NRF1: variants seen among roughly 807,000 people sequenced by gnomAD.
NRF1 encodes the protein nuclear respiratory factor 1.
In NRF1, 5 loss-of-function variants were observed where a neutral mutation model predicts 58.5. The ratio of observed to expected loss-of-function variants is 0.09; its 90% CI spans 0.04 to 0.18. The LOEUF (loss-of-function observed/expected upper bound fraction) is 0.18. Ranked by LOEUF, NRF1 falls within the 10% of genes least tolerant of loss-of-function variation. NRF1 has a pLI of 1.00. For synonymous variants in NRF1, 224 were observed against 246.7 expected, an observed-to-expected ratio of 0.91 and a Z score of 0.86; for missense variants, 288 against 657.7, an observed-to-expected ratio of 0.44 and a Z score of 6.15.
intron 10 of NRF1, among the ~76,000 whole-genome samples, chr7:129,732,411 T>C (rs2116267011): frequency 6.6e-6 from 1 of 152,334 alleles, no homozygotes; most frequent in Non-Finnish European, 1.5e-5. Flanking sequence ...TTAGAAGGAA[T>C]GGCATATTTG....
intron 10 of NRF1, among the ~76,000 whole-genome samples, chr7:129,728,825 G>A (rs1049778100): frequency 7.2e-5 from 11 of 152,198 alleles, no homozygotes; most frequent in Non-Finnish European, 1.6e-4. Context: ...TGTAGGGAAA[G>A]AGGCTTTTGT....
intron 2 of NRF1, among the ~76,000 whole-genome samples, chr7:129,660,566 C>G (rs930197919): frequency 1.3e-5 from 2 of 150,822 alleles, no homozygotes; most frequent in African/African-American, 5.0e-5. Context: ...CATGCAAGTC[C>G]GAAATCCAGC....
intron 8 of NRF1, among the ~76,000 whole-genome samples, chr7:129,712,888 C>G (rs996759479): frequency 6.6e-6 from 1 of 152,106 alleles, no homozygotes; most frequent in Non-Finnish European, 1.5e-5. Context: ...CAAGATGACA[C>G]TCCTTAAAGT....
At chr7:129,665,760 A>T (rs1414146250) in intron 2 of NRF1, among the ~76,000 whole-genome samples, 2 of 152,190 alleles carry the variant, frequency 1.3e-5, no homozygotes, top group Admixed American at 1.3e-4. Flanking sequence ...GGACAGGTGC[A>T]CGCCACCATG....
intron 2 of NRF1, among the ~76,000 whole-genome samples, chr7:129,667,200 A>G (rs1801942406): frequency 6.6e-6 from 1 of 152,134 alleles, no homozygotes; most frequent in South Asian, 2.1e-4. Flanking sequence ...TTACATCCCC[A>G]CAAGCAGTAT....
chr7:129,625,751 A>G (rs1052822798), intron 1 of NRF1, among the ~76,000 whole-genome samples: 4 of 132,274 alleles, frequency 3.0e-5, no homozygotes, highest in Non-Finnish European at 6.1e-5. Flanking sequence ...GTGCGATCTC[A>G]GCTCACTGCA....
intron 8 of NRF1, among the ~76,000 whole-genome samples, chr7:129,715,182 C>G (rs1803158916): frequency 6.6e-6 from 1 of 152,132 alleles, no homozygotes; most frequent in Non-Finnish European, 1.5e-5. Flanking sequence ...GTTCTGTACC[C>G]CAGACCAGAG....
chr7:129,621,228 T>C (rs1800790973), intron 1 of NRF1, among the ~76,000 whole-genome samples: 1 of 152,226 alleles, frequency 6.6e-6, no homozygotes, highest in South Asian at 2.1e-4. Context: ...ATCCATACTT[T>C]TGCTTGCCAC....
At chr7:129,632,805 A>G (rs1801080207) in intron 1 of NRF1, among the ~76,000 whole-genome samples, 1 of 152,190 alleles carries the variant, frequency 6.6e-6, no homozygotes, top group African/African-American at 2.4e-5. Context: ...AAAGTAATAC[A>G]TGTTTTTTGT....
At chr7:129,729,079 TATTC>T (rs772356187) in intron 10 of NRF1, among the ~76,000 whole-genome samples, 2 of 152,240 alleles carry the variant, frequency 1.3e-5, no homozygotes, top group South Asian at 2.1e-4. Context: ...TGATTGCTCT[TATTC>T]ACTATGGAAC....
At chr7:129,737,240 C>T (rs368382637) in intron 10 of NRF1, among the ~76,000 whole-genome samples, 1 of 152,212 alleles carries the variant, frequency 6.6e-6, no homozygotes, top group East Asian at 1.9e-4. Flanking sequence ...GATTAGAAGC[C>T]CTTTCTGTAA....
intron 9 of NRF1, among the ~76,000 whole-genome samples, chr7:129,719,543 C>CACACACACACACACACACACAA (rs1255895761): frequency 6.0e-4 from 86 of 142,168 alleles, no homozygotes; most frequent in African/African-American, 2.0e-3. Flanking sequence ...CACACACACA[C>CACACACACACACACACACACAA]AACACATCTT....
chr7:129,649,733 A>T (rs1327373988), intron 1 of NRF1, among the ~76,000 whole-genome samples: 1 of 152,116 alleles, frequency 6.6e-6, no homozygotes, highest in Non-Finnish European at 1.5e-5. Flanking sequence ...TGTAGTTTAT[A>T]TTATAAAGAA....
chr7:129,656,139 A>G (rs568843778), intron 1 of NRF1, among the ~76,000 whole-genome samples: 1 of 151,962 alleles, frequency 6.6e-6, no homozygotes, highest in Non-Finnish European at 1.5e-5. Context: ...TTGAGGAACT[A>G]ATATGTAAAG....
intron 8 of NRF1, among the ~76,000 whole-genome samples, chr7:129,715,755 A>C (rs1584666492): frequency 6.6e-6 from 1 of 152,354 alleles, no homozygotes; most frequent in East Asian, 1.9e-4. Context: ...AATGCTTCCC[A>C]GCACTTTGGG....
At chr7:129,748,224 G>A (rs938329606) in intron 10 of NRF1, among the ~76,000 whole-genome samples, 14 of 128,528 alleles carry the variant, frequency 1.1e-4, no homozygotes, top group African/African-American at 1.8e-4. Flanking sequence ...GCAGTGAGCC[G>A]AGATCAGGCC....
intron 10 of NRF1, among the ~76,000 whole-genome samples, chr7:129,753,682 C>CT: frequency 6.6e-6 from 1 of 151,826 alleles, no homozygotes; most frequent in African/African-American, 2.4e-5. Context: ...TTAAGCCATC[C>CT]TTTCTACTCT....
chr7:129,636,124 T>C (rs1056756427), intron 1 of NRF1, among the ~76,000 whole-genome samples: 2 of 152,090 alleles, frequency 1.3e-5, no homozygotes, highest in African/African-American at 4.8e-5. Context: ...CATGTGATAC[T>C]TTTTTTTCCA....
In NRF1 at chr7:129,689,671, C is replaced by T. The variant is rs144058849; in HGVS notation, c.466-735C>T. ...GTTACTGTTAAGTTGAGACATGTAA[C>T]TGGCAGTAGTGGGAATGCAGACAAC... On this transcript the variant is annotated intron_variant, in intron 4 of 10. Coordinates refer to ENST00000393232, the MANE Select transcript of NRF1 (RefSeq NM_005011.5). Among the ~76,000 whole-genome samples, 6 of 152,324 alleles carry T rather than the reference C, an allele frequency of 3.9e-5. No homozygotes were observed. In the East Asian group the frequency reaches 1.2e-3, roughly 29 times the overall value.
Sources: gnomAD v4.1 joint callset for allele counts (sites outside exome capture counted in the v4.1 genomes callset) on GRCh38, gnomAD v4.1.1 for gene constraint, MANE v1.5 for transcripts, NCBI Gene and HGNC (gene_info 2026-07-23, HGNC 2026-07-21) for gene names.